The following EPHB2 variants were observed in gnomAD, a reference collection of about 807,000 sequenced individuals.
EPHB2 encodes the protein EPH receptor B2, also known as ephrin type-B receptor 2.
In EPHB2, 18 loss-of-function variants were observed where a neutral mutation model predicts 96.4. The observed-to-expected ratio is 0.19, with a 90% confidence interval of 0.13 to 0.28. The LOEUF (loss-of-function observed/expected upper bound fraction) is 0.28, where lower values mean the gene tolerates loss of function less well. EPHB2 is among the 10% of genes least tolerant of loss of function. The pLI is 1.00. For synonymous variants in EPHB2, 506 were observed against 534.1 expected, an observed-to-expected ratio of 0.95 and a Z score of 0.72; for missense variants, 989 against 1,355.4, an observed-to-expected ratio of 0.73 and a Z score of 4.25.
At position 22,799,325 on chromosome 1, in the gene EPHB2, C is replaced by T. The variant is rs560526080; in HGVS notation, c.811+14249C>T. Among the ~76,000 whole-genome samples the T allele has an allele frequency of 7.2e-5, 11 of 152,222 alleles. No individual in the cohort carries two copies. In the South Asian group the frequency reaches 2.3e-3, roughly 32 times the overall value. On this transcript the variant is annotated intron_variant, in intron 3 of 15. Coordinates refer to ENST00000374630, the MANE Select transcript of EPHB2 (RefSeq NM_017449.5). ...GTTGCCTCCCACCACTCCAGACACC[C>T]ACAAGCAGGAAGGTTTAGCAAAATA... is the stretch of plus-strand genomic sequence containing the variant.
rs1207307622 is a variant in EPHB2, at chr1:22,913,419, T to C, written c.2853-43T>C. 5.6e-6 allele frequency: 9 copies of C among 1,608,716 alleles called. No individual in the cohort carries two copies. In the Admixed American group the frequency reaches 1.5e-4, roughly 27 times the overall value. On this transcript the variant is annotated intron_variant, in intron 15 of 15. Coordinates refer to ENST00000374630, the MANE Select transcript of EPHB2 (RefSeq NM_017449.5). The surrounding 1 kb of genome is among the most constrained non-coding windows in gnomAD (Gnocchi z 4.1). ...AGCTCTCTACCAGGCACAGGACCCC[T>C]TCACCCGCATATTTCCCTAACACAC...
At position 22,913,338 on chromosome 1, in the gene EPHB2, C is replaced by T. The variant is rs1640170696; in HGVS notation, c.2853-124C>T. The T allele has an allele frequency of 5.3e-6, 7 of 1,308,652 alleles. No individual in the cohort carries two copies. In the Admixed American group the frequency reaches 9.9e-5, roughly 19 times the overall value. 81.1% of individuals were successfully genotyped at this position (1,308,652 alleles called of 1,614,324 possible). A position where few individuals can be genotyped will look rare whatever the true frequency, so the allele number is the denominator to read the frequency against. ...GCTGTGGCTGCCTGCCCACTCCCCA[C>T]TCCCCACTCCCCAGTACTCCTTGCT... is the stretch of plus-strand genomic sequence containing the variant. On this transcript the variant is annotated intron_variant, in intron 15 of 15. Coordinates refer to ENST00000374630, the MANE Select transcript of EPHB2 (RefSeq NM_017449.5). This position sits in a 1 kb window ranked among gnomAD's most constrained non-coding sequence, Gnocchi z 4.1.
chr1:22,861,592 T>A (rs1638261205), intron 3 of EPHB2, among the ~76,000 whole-genome samples: 1 of 152,170 alleles, frequency 6.6e-6, no homozygotes, highest in Non-Finnish European at 1.5e-5. Flanking sequence ...ATGGCTCTGA[T>A]CCTGGGGGAG....
intron 1 of EPHB2, among the ~76,000 whole-genome samples, chr1:22,720,385 G>T (rs763087141): frequency 7.2e-5 from 11 of 152,148 alleles, no homozygotes; most frequent in Non-Finnish European, 1.5e-4. Context: ...TTAATGGTGG[G>T]TTATCCAGCG....
intron 3 of EPHB2, among the ~76,000 whole-genome samples, chr1:22,792,196 G>A (rs1243112258): frequency 6.6e-6 from 1 of 152,066 alleles, no homozygotes; most frequent in Non-Finnish European, 1.5e-5. Flanking sequence ...GGGAGTCTGC[G>A]GGGGTGGGGT....
chr1:22,734,678 C>T (rs1397905538), intron 1 of EPHB2, among the ~76,000 whole-genome samples: 1 of 152,134 alleles, frequency 6.6e-6, no homozygotes, highest in Admixed American at 6.5e-5. Context: ...GCCTCAGCCT[C>T]CCAAAGCACT....
At chr1:22,823,748 G>T (rs1645184998) in intron 3 of EPHB2, among the ~76,000 whole-genome samples, 1 of 152,242 alleles carries the variant, frequency 6.6e-6, no homozygotes, top group South Asian at 2.1e-4. Flanking sequence ...CAAAAGTGAG[G>T]ATTCCACTAT....
intron 5 of EPHB2, among the ~76,000 whole-genome samples, chr1:22,880,963 T>G (rs1020123300): frequency 6.6e-6 from 1 of 152,188 alleles, no homozygotes; most frequent in African/African-American, 2.4e-5. Context: ...TTTCCACGAC[T>G]GCAAAATAAG....
chr1:22,880,082 G>A (rs1350322490), intron 5 of EPHB2, among the ~76,000 whole-genome samples: 1 of 152,112 alleles, frequency 6.6e-6, no homozygotes, highest in Non-Finnish European at 1.5e-5. Context: ...AGGAAGGACT[G>A]GCAGGGAACA....
chr1:22,891,634 T>G (rs1639391251), intron 6 of EPHB2, among the ~76,000 whole-genome samples: 3 of 152,214 alleles, frequency 2.0e-5, no homozygotes, highest in Non-Finnish European at 2.9e-5. Flanking sequence ...GCTGGATCTT[T>G]GTCCTGTCCT....
chr1:22,873,854 G>A lies in EPHB2; in HGVS notation c.1304-8505G>A, dbSNP rs114854466. ...ACACATGCTTCAGTTTATATTTCAC[G>A]GCCACTTCTAGCTGCCAGAGAGGTT... On this transcript the variant is annotated intron_variant, in intron 5 of 15. Transcript: ENST00000374630. 6.2e-3 allele frequency among the ~76,000 whole-genome samples: 944 copies of A among 152,220 alleles called. 4 individuals carry two copies. Among genetic ancestry groups the A allele is most frequent in the African/African-American group, 0.021 (854 of 41,524 alleles).
intron 1 of EPHB2, among the ~76,000 whole-genome samples, chr1:22,724,125 G>A (rs1486420964): frequency 6.6e-6 from 1 of 152,176 alleles, no homozygotes; most frequent in African/African-American, 2.4e-5. Context: ...GAGGTTGAAA[G>A]CAGAGTAAAA....
intron 3 of EPHB2, among the ~76,000 whole-genome samples, chr1:22,785,641 A>T (rs1644600593): frequency 6.6e-6 from 1 of 152,198 alleles, no homozygotes; most frequent in Non-Finnish European, 1.5e-5. Flanking sequence ...GGGCAGACAG[A>T]TGGAAGGAGT....
intron 4 of EPHB2, 171 bp downstream of exon 4, chr1:22,863,363 C>T (rs1638346483): frequency 7.0e-6 from 7 of 1,004,026 alleles, no homozygotes; most frequent in Non-Finnish European, 1.0e-5. Flanking sequence ...CATGCTCCCA[C>T]CTTGCAGACA....
At chr1:22,837,872 C>G (rs780050624) in intron 3 of EPHB2, among the ~76,000 whole-genome samples, 1 of 152,176 alleles carries the variant, frequency 6.6e-6, no homozygotes, top group Non-Finnish European at 1.5e-5. Flanking sequence ...TGCCTGTCGT[C>G]CAGCTGGTGC....
At chr1:22,754,805 G>A (rs1304180251) in intron 1 of EPHB2, among the ~76,000 whole-genome samples, 3 of 132,910 alleles carry the variant, frequency 2.3e-5, no homozygotes, top group Non-Finnish European at 4.9e-5. Flanking sequence ...CAGGGGAGGT[G>A]AGAGGCAGGG....
chr1:22,766,974 G>A (rs763320826), intron 1 of EPHB2, among the ~76,000 whole-genome samples: 25 of 152,214 alleles, frequency 1.6e-4, no homozygotes, highest in Non-Finnish European at 3.7e-4. Context: ...GTGAACCAGC[G>A]GAGTGGCACA....
chr1:22,732,536 C>T (rs545148392), intron 1 of EPHB2, among the ~76,000 whole-genome samples: 4 of 152,288 alleles, frequency 2.6e-5, no homozygotes, highest in East Asian at 1.9e-4. Context: ...ACCCTCAGTG[C>T]GCGTGTGCAC....
intron 7 of EPHB2, 43 bp from the exon 8 acceptor site, chr1:22,895,429 C>G: frequency 6.3e-7 from 1 of 1,597,666 alleles, no homozygotes; most frequent in East Asian, 2.2e-5. Context: ...TATTACGACT[C>G]CCACAGCCAG....
Sources: gnomAD v4.1 joint callset for allele counts (sites outside exome capture counted in the v4.1 genomes callset) on GRCh38, gnomAD v4.1.1 for gene constraint, Gnocchi (gnomAD v3.1) non-coding constraint, MANE v1.5 for transcripts, NCBI Gene and HGNC (gene_info 2026-07-23, HGNC 2026-07-21) for gene names.